Variants in GLI3 observed in about 807,000 individuals in gnomAD.
The protein encoded by GLI3 is transcription activator GLI3.
Under a neutral mutation model 100.8 loss-of-function variants are expected in GLI3, and 20 were observed. The observed-to-expected ratio is 0.20, with a 90% CI of 0.14 to 0.29. The LOEUF is 0.29. Ranked by LOEUF, GLI3 falls within the 10% of genes least tolerant of loss-of-function variation. The pLI is 1.00. For missense variants in GLI3, 2,040 were observed against 2,128.5 expected, an observed-to-expected ratio of 0.96 and a Z score of 0.82; for synonymous variants, 938 against 860.5, an observed-to-expected ratio of 1.09 and a Z score of -1.58.
At chr7:42,015,777 A>G (rs903280834) in intron 10 of GLI3, among the ~76,000 whole-genome samples, 16 of 151,986 alleles carry the variant, frequency 1.1e-4, no homozygotes, top group Non-Finnish European at 2.2e-4. Context: ...AGGTATATTT[A>G]AGTAGCTTCT....
chr7:42,240,774 G>A (rs1341026118), upstream of GLI3, among the ~76,000 whole-genome samples: 1 of 152,166 alleles, frequency 6.6e-6, no homozygotes, highest in African/African-American at 2.4e-5. Context: ...TCTTCTGGGG[G>A]ACATAATTCA....
chr7:42,091,798 C>T (rs538351393), intron 3 of GLI3, among the ~76,000 whole-genome samples: 21 of 152,320 alleles, frequency 1.4e-4, no homozygotes, highest in Non-Finnish European at 2.5e-4. Context: ...CGATTCTTCC[C>T]GGAGGTGAGT....
intron 2 of GLI3, among the ~76,000 whole-genome samples, chr7:42,175,328 G>A (rs2190512): frequency 0.63 from 96,294 of 152,104 alleles, 31,954 homozygotes; most frequent in African/African-American, 0.83. Flanking sequence ...TTCATTTGGA[G>A]AAATAGGGGC....
chr7:42,071,788 G>A (rs1352106886), intron 4 of GLI3, among the ~76,000 whole-genome samples: 2 of 152,016 alleles, frequency 1.3e-5, no homozygotes, highest in Non-Finnish European at 2.9e-5. Context: ...CCATAATTAC[G>A]GGGGCGAGGC....
intron 7 of GLI3, among the ~76,000 whole-genome samples, chr7:42,039,055 G>C (rs1304365667): frequency 1.3e-5 from 2 of 152,192 alleles, no homozygotes; most frequent in Admixed American, 6.5e-5. Context: ...AATTCAAAAA[G>C]ATTGCTAGTA....
chr7:42,143,335 T>C (rs1237873676), intron 3 of GLI3, among the ~76,000 whole-genome samples: 1 of 152,232 alleles, frequency 6.6e-6, no homozygotes, highest in Non-Finnish European at 1.5e-5. Context: ...AACTAAGAGC[T>C]CAGGGAACTG....
chr7:42,162,569 G>A (rs1421896146), intron 2 of GLI3, among the ~76,000 whole-genome samples: 9 of 152,260 alleles, frequency 5.9e-5, no homozygotes, highest in South Asian at 2.1e-4. Context: ...CCAGTTCTAC[G>A]AAAGTTCCCA....
chr7:41,968,729 A>AAAGAAAGAAAG (rs1787268741), intron 13 of GLI3, among the ~76,000 whole-genome samples: 5 of 107,470 alleles, frequency 4.7e-5, no homozygotes, highest in African/African-American at 2.7e-4. Context: ...AGAAAGAAAG[A>AAAGAAAGAAAG]AAGAAAGAAA....
At chr7:42,222,629 A>C (rs1157476952) in intron 2 of GLI3, among the ~76,000 whole-genome samples, 3 of 152,164 alleles carry the variant, frequency 2.0e-5, no homozygotes, top group Non-Finnish European at 2.9e-5. Context: ...TAACAACAAA[A>C]CCTGCATCTC....
At chr7:42,024,442 A>G (rs1260263131) in intron 9 of GLI3, among the ~76,000 whole-genome samples, 1 of 152,198 alleles carries the variant, frequency 6.6e-6, no homozygotes. Context: ...CCGTGACACA[A>G]TTTACTCCAG....
intron 2 of GLI3, among the ~76,000 whole-genome samples, chr7:42,178,106 G>A (rs1787516699): frequency 6.6e-6 from 1 of 152,172 alleles, no homozygotes; most frequent in Admixed American, 6.5e-5. Context: ...CTGCCTCTGG[G>A]CCCAAGGGCC....
At chr7:42,191,994 C>T (rs1461528721) in intron 2 of GLI3, among the ~76,000 whole-genome samples, 2 of 151,496 alleles carry the variant, frequency 1.3e-5, no homozygotes, top group Non-Finnish European at 2.9e-5. Flanking sequence ...GAAAGACATG[C>T]GACCCATGCA....
intron 10 of GLI3, among the ~76,000 whole-genome samples, chr7:42,000,757 G>C (rs1788264508): frequency 6.6e-6 from 1 of 152,124 alleles, no homozygotes; most frequent in Admixed American, 6.6e-5. Flanking sequence ...GAGGCAGCAA[G>C]GAGCTGATTG....
Position 41,966,702 on chromosome 7 carries a change from C to G in GLI3, c.2432-61G>C. ...GAATTCCCTTCGAGCATGACTTACA[C>G]CAGGCATGAGCAACCCTTTTCTGTA... On this transcript the variant is annotated intron_variant, in intron 14 of 14. Coordinates refer to ENST00000395925, the MANE Select transcript of GLI3 (RefSeq NM_000168.6). This position sits in a 1 kb window ranked among gnomAD's most constrained non-coding sequence, Gnocchi z 5.8. 1 of 1,564,148 alleles carries G rather than the reference C, an allele frequency of 6.4e-7. No homozygotes were observed. Among genetic ancestry groups the G allele is most frequent in the Non-Finnish European group, 8.8e-7 (1 of 1,138,348 alleles).
rs867849780 is a variant in GLI3, at chr7:42,101,728, C to T, written c.368-24871G>A. Among the ~76,000 whole-genome samples the T allele has an allele frequency of 3.3e-5, 5 of 149,900 alleles. 1 individual carries two copies. Among genetic ancestry groups the T allele is most frequent in the African/African-American group, 5.0e-5 (2 of 40,312 alleles). Reference sequence around the variant, plus strand: ...TACTTTAAGTTTTAGGGTACATGTGCACATTGTGCAGGTTAGTTACATACA... The same window carrying T: ...TACTTTAAGTTTTAGGGTACATGTGTACATTGTGCAGGTTAGTTACATACA... On this transcript the variant is annotated intron_variant, in intron 3 of 14. Coordinates refer to ENST00000395925, the MANE Select transcript of GLI3 (RefSeq NM_000168.6).
upstream of GLI3, among the ~76,000 whole-genome samples, chr7:42,237,353 G>A (rs527438061): frequency 1.3e-5 from 2 of 152,158 alleles, no homozygotes; most frequent in East Asian, 3.9e-4. Context: ...GCGGGAGGGA[G>A]GGGAAAGAGA....
intron 2 of GLI3, among the ~76,000 whole-genome samples, chr7:42,221,377 T>G (rs867785396): frequency 4.6e-5 from 7 of 152,224 alleles, no homozygotes; most frequent in African/African-American, 1.7e-4. Flanking sequence ...GCAGGCTCCA[T>G]GCAGTGCAGC....
intron 6 of GLI3, among the ~76,000 whole-genome samples, chr7:42,042,298 G>C (rs1366364112): frequency 6.6e-6 from 1 of 152,116 alleles, no homozygotes; most frequent in Non-Finnish European, 1.5e-5. Flanking sequence ...ACAGGGGTGA[G>C]CCACTGCGCC....
chr7:42,160,874 GA>G (rs1399170615), intron 2 of GLI3, among the ~76,000 whole-genome samples: 2 of 151,994 alleles, frequency 1.3e-5, no homozygotes, highest in African/African-American at 4.8e-5. Flanking sequence ...TTTACAACCA[GA>G]AAAAAAGCTC....
Sources: allele counts gnomAD v4.1 joint callset (sites outside exome capture counted in the v4.1 genomes callset), GRCh38; gene constraint gnomAD v4.1.1; non-coding constraint Gnocchi (gnomAD v3.1); transcripts MANE v1.5; gene names NCBI Gene and HGNC (gene_info 2026-07-23, HGNC 2026-07-21).